SYN3: variants seen among roughly 807,000 people sequenced by gnomAD.
SYN3 encodes the protein synapsin-3.
SYN3 carries 35 observed loss-of-function variants against 65.8 expected under a neutral mutation model. That is an observed-to-expected ratio of 0.53 (90% confidence interval 0.41 to 0.70). The LOEUF is 0.70. SYN3 is among the 30% of genes least tolerant of loss of function. SYN3 has a pLI of 0.00. For synonymous variants in SYN3, 270 were observed against 292.9 expected (o/e 0.92, Z 0.80); for missense variants, 680 against 749.0 (o/e 0.91, Z 1.08).
At position 32,591,837 on chromosome 22, in the gene SYN3, T is replaced by C. The variant is rs891366302; in HGVS notation, c.774+4837A>G. ...GTGCACACCATCCTGAGTAGCGTGATGAAATCTTGCACCACCCAGCTCCAT... is the reference window on the plus strand; with the variant it reads ...GTGCACACCATCCTGAGTAGCGTGACGAAATCTTGCACCACCCAGCTCCAT... On this transcript the variant is annotated intron_variant, in intron 7 of 13. Transcript: ENST00000358763. 6.6e-5 allele frequency among the ~76,000 whole-genome samples: 10 copies of C among 152,204 alleles called. No homozygotes were observed. In the East Asian group the frequency reaches 1.9e-3, roughly 29 times the overall value.
In SYN3 at chr22:32,917,857, C is replaced by T. The variant is rs1026402135; in HGVS notation, c.461+13533G>A. Among the ~76,000 whole-genome samples, 14 of 152,378 alleles carry T rather than the reference C, an allele frequency of 9.2e-5. 1 individual carries two copies. The highest frequency in any genetic ancestry group is 1.9e-4 in the East Asian group (1 of 5,188). ...CACACTGCCTCTTTCTTGTGCTGCT[C>T]TCTTCCCGTTCCCACGCCCCACCTC... On this transcript the variant is annotated intron_variant, in intron 4 of 13. Transcript: ENST00000358763.
intron 6 of SYN3, among the ~76,000 whole-genome samples, chr22:32,844,628 A>G (rs2146214072): frequency 1.3e-5 from 2 of 152,232 alleles, no homozygotes; most frequent in Middle Eastern, 3.4e-3. Context: ...AAGTTCACAC[A>G]TCCTAGTTAG....
chr22:32,981,726 G>A (rs1346727445), intron 2 of SYN3, among the ~76,000 whole-genome samples: 3 of 151,994 alleles, frequency 2.0e-5, no homozygotes, highest in South Asian at 2.1e-4. Flanking sequence ...ATCATTATAC[G>A]TTACATGTAT....
intron 6 of SYN3, among the ~76,000 whole-genome samples, chr22:32,741,666 A>G (rs988795521): frequency 1.3e-5 from 2 of 151,990 alleles, no homozygotes; most frequent in Non-Finnish European, 2.9e-5. Context: ...CTAAAGCCCA[A>G]TTCTTAAACA....
intron 6 of SYN3, among the ~76,000 whole-genome samples, chr22:32,707,876 C>G (rs1010617506): frequency 1.3e-5 from 2 of 152,170 alleles, no homozygotes; most frequent in Admixed American, 6.5e-5. Flanking sequence ...GCCTCTGTCT[C>G]CTCAACTGCA....
intron 2 of SYN3, among the ~76,000 whole-genome samples, chr22:32,989,856 G>GAAAAAATT (rs1569383699): frequency 7.0e-6 from 1 of 142,384 alleles, no homozygotes; most frequent in East Asian, 2.1e-4. Context: ...AAAAAAAAAG[G>GAAAAAATT]CATCAAACAC....
At chr22:32,870,853 A>G (rs1367338578) in intron 4 of SYN3, among the ~76,000 whole-genome samples, 2 of 152,160 alleles carry the variant, frequency 1.3e-5, no homozygotes, top group Non-Finnish European at 2.9e-5. Flanking sequence ...TCCATTCAAA[A>G]CAAAATAGGG....
intron 7 of SYN3, among the ~76,000 whole-genome samples, chr22:32,568,075 A>G (rs1185725580): frequency 6.6e-6 from 1 of 152,232 alleles, no homozygotes; most frequent in Non-Finnish European, 1.5e-5. Context: ...CAAGGCTGTT[A>G]GAATCTTCCT....
chr22:32,798,002 A>G (rs1022014097), intron 6 of SYN3, among the ~76,000 whole-genome samples: 4 of 152,168 alleles, frequency 2.6e-5, no homozygotes, highest in Non-Finnish European at 2.9e-5. Flanking sequence ...AGGTCTTTTG[A>G]TTTTTTGTTT....
chr22:32,654,847 C>T (rs941892376), intron 6 of SYN3, among the ~76,000 whole-genome samples: 1 of 152,208 alleles, frequency 6.6e-6, no homozygotes, highest in Non-Finnish European at 1.5e-5. Context: ...GGTGCTTGTC[C>T]CTTTCTCTCC....
chr22:33,043,552 A>T (rs1407163007), intron 1 of SYN3, among the ~76,000 whole-genome samples: 1 of 152,286 alleles, frequency 6.6e-6, no homozygotes, highest in East Asian at 1.9e-4. Context: ...CCATCTCAAA[A>T]AATAATAATA....
Position 32,524,273 on chromosome 22 carries a change from T to C in SYN3, c.1318+3645A>G, listed in dbSNP as rs1371491265. 2.6e-5 allele frequency among the ~76,000 whole-genome samples: 4 copies of C among 152,224 alleles called. No homozygotes were observed. In the East Asian group the frequency reaches 7.7e-4, roughly 29 times the overall value. On this transcript the variant is annotated intron_variant, in intron 12 of 13. Coordinates refer to ENST00000358763, the MANE Select transcript of SYN3 (RefSeq NM_003490.4). Reference sequence around the variant, plus strand: ...AGCCTTCTATTGGAAGAAGATACTATCTAGGGCTTTCATAGCTAAAGAGGA... The same window carrying C: ...AGCCTTCTATTGGAAGAAGATACTACCTAGGGCTTTCATAGCTAAAGAGGA...
At chr22:32,964,954 C>T (rs960411963) in intron 3 of SYN3, among the ~76,000 whole-genome samples, 3 of 152,108 alleles carry the variant, frequency 2.0e-5, no homozygotes, top group Non-Finnish European at 4.4e-5. Context: ...AGCAGCATGA[C>T]CCAAGCAAGA....
At chr22:32,935,628 T>C (rs1019537946) in intron 3 of SYN3, among the ~76,000 whole-genome samples, 6 of 152,138 alleles carry the variant, frequency 3.9e-5, no homozygotes, top group African/African-American at 1.4e-4. Flanking sequence ...TTTTTGTATT[T>C]TTAGTAGAGA....
intron 2 of SYN3, among the ~76,000 whole-genome samples, chr22:32,998,197 C>G (rs1331659717): frequency 6.6e-6 from 1 of 152,060 alleles, no homozygotes; most frequent in African/African-American, 2.4e-5. Flanking sequence ...AATACAGACA[C>G]CATGTAGAAG....
rs577869998 is a variant in SYN3 at position 32,903,960 on chromosome 22, A to C, written c.461+27430T>G. Among the ~76,000 whole-genome samples the C allele has an allele frequency of 1.4e-4, 22 of 152,310 alleles. No homozygotes were observed. In the South Asian group the frequency reaches 3.9e-3, roughly 27 times the overall value. ...AGGCCCAGTACATAGTAGTACATAC[A>C]TTTCAGGAGGTGGTGAAATTAATAA... On this transcript the variant is annotated intron_variant, in intron 4 of 13. Coordinates refer to ENST00000358763, the MANE Select transcript of SYN3 (RefSeq NM_003490.4).
intron 6 of SYN3, among the ~76,000 whole-genome samples, chr22:32,706,623 G>C (rs1488324481): frequency 4.6e-4 from 70 of 152,308 alleles, no homozygotes; most frequent in Admixed American, 4.6e-3. Context: ...CCATGGCAAA[G>C]AGACGGGGCA....
chr22:32,774,687 G>A (rs2045865721), intron 6 of SYN3, among the ~76,000 whole-genome samples: 1 of 151,938 alleles, frequency 6.6e-6, no homozygotes, highest in Non-Finnish European at 1.5e-5. Context: ...CTCCGCCTCC[G>A]GGGTTCAAGT....
intron 6 of SYN3, among the ~76,000 whole-genome samples, chr22:32,675,944 A>G (rs2060434082): frequency 6.6e-6 from 1 of 152,120 alleles, no homozygotes; most frequent in African/African-American, 2.4e-5. Flanking sequence ...ACCACAGGTG[A>G]ACTGGAGGAA....
Sources: allele counts gnomAD v4.1 joint callset (sites outside exome capture counted in the v4.1 genomes callset), GRCh38; gene constraint gnomAD v4.1.1; transcripts MANE v1.5; gene names NCBI Gene and HGNC (gene_info 2026-07-23, HGNC 2026-07-21).